Variants in DNAH11 observed in about 807,000 individuals in gnomAD.
DNAH11 encodes axonemal beta dynein heavy chain 11.
DNAH11 carries 442 observed loss-of-function variants against 526.0 expected under a neutral mutation model. The observed-to-expected ratio is 0.84, with a 90% CI of 0.78 to 0.91. The LOEUF (loss-of-function observed/expected upper bound fraction) is 0.91. DNAH11 is among the 40% of genes least tolerant of loss of function. The pLI is 0.00. For missense variants in DNAH11, 6,989 were observed against 5,448.7 expected (o/e 1.28, Z -8.90); for synonymous variants, 2,461 against 1,935.9 (o/e 1.27, Z -7.12).
intron 8 of DNAH11, among the ~76,000 whole-genome samples, chr7:21,580,033 TAAC>T (rs1397659884): frequency 6.6e-6 from 1 of 152,136 alleles, no homozygotes; most frequent in Non-Finnish European, 1.5e-5. Flanking sequence ...GTAGAGAAGA[TAAC>T]AAGTTCAGAT....
chr7:21,801,046 A>C (rs2127993290), intron 61 of DNAH11, 91 bp from the exon 62 acceptor site: 1 of 1,396,286 alleles, frequency 7.2e-7, no homozygotes, highest in Non-Finnish European at 9.9e-7. Flanking sequence ...AGGTTTGTCC[A>C]TTTACCTTAC....
chr7:21,668,200 T>G (rs772391625), intron 30 of DNAH11, among the ~76,000 whole-genome samples: 7 of 152,184 alleles, frequency 4.6e-5, no homozygotes, highest in Non-Finnish European at 8.8e-5. Context: ...GGGTCTTACA[T>G]TTATATACAT....
chr7:21,882,594 G>A (rs377376766), intron 75 of DNAH11, among the ~76,000 whole-genome samples: 18 of 152,104 alleles, frequency 1.2e-4, no homozygotes, highest in African/African-American at 2.2e-4. Flanking sequence ...CCAGAAGTTC[G>A]ACACCAGCCT....
chr7:21,850,582 T>C (rs1583771297), intron 66 of DNAH11, among the ~76,000 whole-genome samples: 1 of 149,928 alleles, frequency 6.7e-6, no homozygotes, highest in East Asian at 2.0e-4. Flanking sequence ...CTGAGTCTTG[T>C]CCTGAGGTTT....
chr7:21,885,566 A>G (rs1192290565), intron 76 of DNAH11, among the ~76,000 whole-genome samples: 1 of 152,152 alleles, frequency 6.6e-6, no homozygotes, highest in African/African-American at 2.4e-5. Flanking sequence ...ACTGTAGTCA[A>G]CAATACAATA....
chr7:21,888,558 C>T (rs769646738), intron 76 of DNAH11, among the ~76,000 whole-genome samples: 6 of 151,450 alleles, frequency 4.0e-5, no homozygotes, highest in Admixed American at 6.6e-5. Flanking sequence ...GGTGTGATCT[C>T]GGCTCACTGC....
At chr7:21,593,092 C>A (rs1042929778) in intron 14 of DNAH11, among the ~76,000 whole-genome samples, 3 of 152,034 alleles carry the variant, frequency 2.0e-5, no homozygotes, top group Non-Finnish European at 4.4e-5. Flanking sequence ...AGAAAAGAGG[C>A]CCAAAAACTA....
In DNAH11 at chr7:21,591,253, A is replaced by G. The variant is rs1784668774; in HGVS notation, c.2343A>G (p.Glu781=). The change falls in exon 14 of 82, where the codon GAA becomes GAG. Residue 781 remains glutamate, a synonymous_variant. Transcript: ENST00000409508. The stretch of plus-strand genomic sequence containing the variant: ...TCAAACAGACGCTCCTGGAAGTTGA[A>G]TACCCTCTGATTGAAGATGAGCTGA... The part of the protein sequence containing the change: ...NKLKQTLLEV[E]YPLIEDELRA... 2 of 1,602,088 alleles carry G rather than the reference A, an allele frequency of 1.2e-6. No individual in the cohort carries two copies. Among genetic ancestry groups the G allele is most frequent in the Non-Finnish European group, 1.7e-6 (2 of 1,173,632 alleles).
chr7:21,639,820 T>C (rs1787038796), intron 28 of DNAH11, among the ~76,000 whole-genome samples: 1 of 152,170 alleles, frequency 6.6e-6, no homozygotes, highest in Non-Finnish European at 1.5e-5. Flanking sequence ...TATTACAGAT[T>C]ATTTTAAAAC....
chr7:21,705,331 C>T lies in DNAH11; in HGVS notation c.6469-129C>T, dbSNP rs1784222580. 5 of 808,232 alleles carry T rather than the reference C, an allele frequency of 6.2e-6. No homozygotes were observed. In the East Asian group the frequency reaches 1.4e-4, roughly 22 times the overall value. The allele number at this position is 808,232 out of a possible 1,614,324, so 50.1% of individuals were successfully genotyped here. ...TTCACTTATGGTCTATTTTAACTTT[C>T]TCTGAACATACTGTTGTCAGTGGGG... is the stretch of plus-strand genomic sequence containing the variant. On this transcript the variant is annotated intron_variant, in intron 38 of 81. Coordinates refer to ENST00000409508, the MANE Select transcript of DNAH11 (RefSeq NM_001277115.2).
chr7:21,672,262 T>C (rs536200848), intron 30 of DNAH11, among the ~76,000 whole-genome samples: 1 of 152,288 alleles, frequency 6.6e-6, no homozygotes, highest in East Asian at 1.9e-4. Flanking sequence ...TTCACTTTGA[T>C]CTGCTAAGCT....
At chr7:21,730,697 A>T (rs2965367) in intron 45 of DNAH11, among the ~76,000 whole-genome samples, 1 of 151,830 alleles carries the variant, frequency 6.6e-6, no homozygotes, top group African/African-American at 2.4e-5. Flanking sequence ...GAGTTAGGAG[A>T]CTGGGGAGAT....
At chr7:21,594,203 G>A (rs552668531) in intron 14 of DNAH11, among the ~76,000 whole-genome samples, 20 of 152,272 alleles carry the variant, frequency 1.3e-4, no homozygotes, top group Admixed American at 5.9e-4. Context: ...TTTCTCATGT[G>A]TAAAATGAAG....
At chr7:21,582,130 T>TG in intron 9 of DNAH11, 109 bp downstream of exon 9, 1 of 661,192 alleles carries the variant, frequency 1.5e-6, no homozygotes, top group Non-Finnish European at 2.6e-6. Context: ...GGTTAACTAG[T>TG]CATATTCCCT....
intron 65 of DNAH11, among the ~76,000 whole-genome samples, chr7:21,824,960 C>A (rs894614359): frequency 6.6e-6 from 1 of 152,180 alleles, no homozygotes; most frequent in African/African-American, 2.4e-5. Flanking sequence ...CAACCTCCAC[C>A]TCCCAGGTTC....
intron 30 of DNAH11, among the ~76,000 whole-genome samples, chr7:21,666,438 T>C (rs768966696): frequency 4.0e-4 from 61 of 152,100 alleles, no homozygotes; most frequent in Non-Finnish European, 7.5e-4. Context: ...TTTTAAACTT[T>C]AAAAAATTAA....
intron 34 of DNAH11, among the ~76,000 whole-genome samples, chr7:21,688,093 T>C (rs1234095086): frequency 6.6e-6 from 1 of 152,150 alleles, no homozygotes; most frequent in Non-Finnish European, 1.5e-5. Context: ...AAGATGCTCA[T>C]TCCATTGATC....
rs1458702017 is a variant in DNAH11 at position 21,867,977 on chromosome 7, G to T, written c.11809G>T (p.Val3937Leu). ...TPIFFILSPG[V>L]DALKDLEILG... The stretch of plus-strand genomic sequence containing the variant: ...CATATTCTTCATCCTGTCTCCGGGG[G>T]TAGATGCCCTTAAAGACCTGGAGAT... The change falls in exon 72 of 82, where the codon GTA (valine) becomes TTA (leucine). Residue 3937 changes from valine (V) to leucine (L), a missense_variant. Val to Leu is a conservative substitution (Grantham distance 32). Transcript: ENST00000409508. 6.4e-7 allele frequency: 1 copy of T among 1,559,342 alleles called. No individual in the cohort carries two copies. Among genetic ancestry groups the T allele is most frequent in the Non-Finnish European group, 8.7e-7 (1 of 1,150,668 alleles).
intron 74 of DNAH11, among the ~76,000 whole-genome samples, chr7:21,879,474 A>G (rs1048368323): frequency 6.6e-6 from 1 of 152,012 alleles, no homozygotes; most frequent in Non-Finnish European, 1.5e-5. Context: ...AACAAAAAAA[A>G]AACCTCACAG....
Sources: allele counts gnomAD v4.1 joint callset (sites outside exome capture counted in the v4.1 genomes callset), GRCh38; gene constraint gnomAD v4.1.1; transcripts MANE v1.5; gene names NCBI Gene and HGNC (gene_info 2026-07-23, HGNC 2026-07-21).